PTCHD4: variants seen among roughly 807,000 people sequenced by gnomAD.
PTCHD4 encodes patched domain containing 4, also known as patched domain-containing protein 4.
A neutral mutation model predicts 58.1 loss-of-function variants in PTCHD4; 33 were observed. The ratio of observed to expected loss-of-function variants is 0.57; its 90% CI spans 0.43 to 0.76. The LOEUF is 0.76. Among genes scored for constraint, PTCHD4 ranks in the 30% least tolerant of loss-of-function variants. The pLI is 0.00. For missense variants in PTCHD4, 1,058 were observed against 1,027.1 expected, an observed-to-expected ratio of 1.03 and a Z score of -0.41; for synonymous variants, 478 against 409.6, an observed-to-expected ratio of 1.17 and a Z score of -2.02.
intron 3 of PTCHD4, among the ~76,000 whole-genome samples, chr6:48,014,694 G>C (rs913894874): frequency 6.6e-6 from 1 of 152,062 alleles, no homozygotes; most frequent in African/African-American, 2.4e-5. Context: ...TGTCAGAAAG[G>C]ATATCATTAT....
chr6:48,016,197 G>A (rs192197881), intron 3 of PTCHD4, among the ~76,000 whole-genome samples: 8 of 151,898 alleles, frequency 5.3e-5, no homozygotes, highest in South Asian at 2.1e-4. Context: ...ATCATGGCCC[G>A]CAGGCAAAAG....
At chr6:48,063,052 A>G (rs1269318101) in intron 3 of PTCHD4, among the ~76,000 whole-genome samples, 1 of 152,166 alleles carries the variant, frequency 6.6e-6, no homozygotes, top group African/African-American at 2.4e-5. Context: ...TTCTCAATTT[A>G]GAGCATATTG....
chr6:47,959,095 T>C (rs1365502694), intron 4 of PTCHD4, among the ~76,000 whole-genome samples: 3 of 152,184 alleles, frequency 2.0e-5, no homozygotes, highest in African/African-American at 4.8e-5. Flanking sequence ...CAGGAAAATA[T>C]GATCCATAAT....
intron 4 of PTCHD4, among the ~76,000 whole-genome samples, chr6:47,937,155 C>G (rs1325066045): frequency 1.3e-5 from 2 of 152,188 alleles, no homozygotes; most frequent in Non-Finnish European, 1.5e-5. Flanking sequence ...AAATCAGAAT[C>G]AACTATGAAG....
chr6:48,079,678 A>G (rs182450587), intron 1 of PTCHD4, among the ~76,000 whole-genome samples: 2 of 151,360 alleles, frequency 1.3e-5, no homozygotes, highest in African/African-American at 4.9e-5. Flanking sequence ...ATACCTTGTG[A>G]CAATAAAAAG....
At chr6:47,937,485 A>G (rs1190058461) in intron 4 of PTCHD4, among the ~76,000 whole-genome samples, 1 of 152,172 alleles carries the variant, frequency 6.6e-6, no homozygotes, top group African/African-American at 2.4e-5. Context: ...TAACCTACAC[A>G]GAAAGGACTG....
chr6:47,916,774 G>A (rs1382035842), intron 4 of PTCHD4, among the ~76,000 whole-genome samples: 2 of 152,116 alleles, frequency 1.3e-5, no homozygotes, highest in African/African-American at 4.8e-5. Flanking sequence ...AAGATTTATT[G>A]TGAAACAGGC....
intron 1 of PTCHD4, among the ~76,000 whole-genome samples, chr6:48,107,616 A>C (rs1765760763): frequency 6.6e-6 from 1 of 152,272 alleles, no homozygotes; most frequent in African/African-American, 2.4e-5. Context: ...TAATTAAACT[A>C]AAGAGCTTCT....
chr6:48,091,508 G>A (rs1184233021), intron 1 of PTCHD4, among the ~76,000 whole-genome samples: 36 of 152,116 alleles, frequency 2.4e-4, no homozygotes, highest in Admixed American at 2.4e-3. Context: ...GTGGTCCTCA[G>A]ACTGGTAGCA....
At chr6:48,006,225 G>T (rs1290255983) in intron 4 of PTCHD4, among the ~76,000 whole-genome samples, 1 of 152,242 alleles carries the variant, frequency 6.6e-6, no homozygotes, top group East Asian at 1.9e-4. Context: ...AAAAGTCACT[G>T]GGAGAGGTGC....
chr6:47,912,795 G>T (rs992557057), intron 4 of PTCHD4, among the ~76,000 whole-genome samples: 1 of 152,088 alleles, frequency 6.6e-6, no homozygotes, highest in African/African-American at 2.4e-5. Flanking sequence ...TTTGTTCCAA[G>T]AGCAGCACAG....
Position 47,878,226 on chromosome 6 carries a change from G to GCTGAGGT in PTCHD4, c.*70_*76dup. On this transcript the variant is annotated 3_prime_UTR_variant, in exon 5 of 5. Coordinates refer to ENST00000339488, the MANE Select transcript of PTCHD4 (RefSeq NM_001384253.1). ...TTGTTACCCCTGGCCAGCCCAAGCA[G>GCTGAGGT]CTGAGGTCTGAGCTTTACTTGCCCT... The GCTGAGGT allele has an allele frequency of 7.3e-7, 1 of 1,362,522 alleles. No individual in the cohort carries two copies. The highest frequency in any genetic ancestry group is 2.3e-5 in the East Asian group (1 of 43,440). The allele number at this position is 1,362,522 out of a possible 1,614,324, so 84.4% of individuals were successfully genotyped here.
chr6:48,018,266 C>G (rs1194185067), intron 3 of PTCHD4, among the ~76,000 whole-genome samples: 2 of 152,168 alleles, frequency 1.3e-5, no homozygotes, highest in Non-Finnish European at 2.9e-5. Flanking sequence ...TTTCTGAATG[C>G]CAGCACCCTC....
chr6:47,947,921 A>T (rs1164043695), intron 4 of PTCHD4, among the ~76,000 whole-genome samples: 1 of 152,064 alleles, frequency 6.6e-6, no homozygotes, highest in East Asian at 1.9e-4. Flanking sequence ...AAATTTTCTC[A>T]CTTTGTCCTG....
At chr6:48,006,367 T>G (rs1172347634) in intron 4 of PTCHD4, among the ~76,000 whole-genome samples, 1 of 152,138 alleles carries the variant, frequency 6.6e-6, no homozygotes, top group African/African-American at 2.4e-5. Flanking sequence ...GCAGAGGTAG[T>G]TTTTCTCTTT....
intron 4 of PTCHD4, among the ~76,000 whole-genome samples, chr6:47,989,925 A>T (rs1768218611): frequency 6.6e-6 from 1 of 152,158 alleles, no homozygotes; most frequent in African/African-American, 2.4e-5. Context: ...TGCACCTGGA[A>T]AAGCCACAGA....
At position 48,069,625 on chromosome 6, in the gene PTCHD4, TG is replaced by T. The variant is rs1400727952; in HGVS notation, c.-669del. On this transcript the variant is annotated 5_prime_UTR_variant, in exon 2 of 5. It introduces an in-frame stop codon into an upstream open reading frame of the 5' UTR. Coordinates refer to ENST00000339488, the MANE Select transcript of PTCHD4 (RefSeq NM_001384253.1). The stretch of plus-strand genomic sequence containing the variant: ...CGTCTGGATAGCTTCTTTCCTCTGA[TG>T]GCTGGAGAGGAGGCATTTGCCAATA... 6.6e-6 allele frequency among the ~76,000 whole-genome samples: 1 copy of T among 152,116 alleles called. No homozygotes were observed. The highest frequency in any genetic ancestry group is 1.5e-5 in the Non-Finnish European group (1 of 68,016).
chr6:47,890,002 T>C (rs995436812), intron 4 of PTCHD4, among the ~76,000 whole-genome samples: 4 of 152,076 alleles, frequency 2.6e-5, no homozygotes, highest in Admixed American at 6.6e-5. Context: ...TTCTATGTAG[T>C]ATAAAAAACT....
intron 4 of PTCHD4, among the ~76,000 whole-genome samples, chr6:47,959,154 T>A (rs1766984017): frequency 6.6e-6 from 1 of 152,180 alleles, no homozygotes; most frequent in South Asian, 2.1e-4. Flanking sequence ...GAAATGGATG[T>A]TGGAATTAGC....
Sources: allele counts gnomAD v4.1 joint callset (sites outside exome capture counted in the v4.1 genomes callset), GRCh38; gene constraint gnomAD v4.1.1; transcripts MANE v1.5; gene names NCBI Gene and HGNC (gene_info 2026-07-23, HGNC 2026-07-21).